AUH: variants seen among roughly 807,000 people sequenced by gnomAD.
The protein encoded by AUH is methylglutaconyl-CoA hydratase, mitochondrial.
A neutral mutation model predicts 42.3 loss-of-function variants in AUH; 29 were observed. The observed-to-expected ratio is 0.69, with a 90% confidence interval of 0.51 to 0.93. The LOEUF (loss-of-function observed/expected upper bound fraction) is 0.93, where lower values mean the gene tolerates loss of function less well. Among genes scored for constraint, AUH ranks in the 40% least tolerant of loss-of-function variants. The probability of loss-of-function intolerance (pLI) is 0.00; values close to 1 mark genes in which losing one functional copy is unlikely to be tolerated. For missense variants in AUH, 452 were observed against 438.1 expected (o/e 1.03, Z -0.28); for synonymous variants, 174 against 166.4 (o/e 1.05, Z -0.35).
intron 4 of AUH, among the ~76,000 whole-genome samples, chr9:91,312,519 G>C (rs543599720): frequency 1.8e-4 from 27 of 152,308 alleles, no homozygotes; most frequent in African/African-American, 6.3e-4. Context: ...CTTGAGGCCA[G>C]GAGTTCAAGA....
chr9:91,358,389 GGGA>G (rs1832599201), intron 1 of AUH, among the ~76,000 whole-genome samples: 1 of 152,144 alleles, frequency 6.6e-6, no homozygotes, highest in African/African-American at 2.4e-5. Context: ...GTGATTGCTG[GGGA>G]TGAAATCCCA....
At chr9:91,271,989 G>A (rs1825173673) in intron 6 of AUH, among the ~76,000 whole-genome samples, 1 of 152,100 alleles carries the variant, frequency 6.6e-6, no homozygotes, top group Non-Finnish European at 1.5e-5. Context: ...GCCTAAATAT[G>A]CTTCTAATTT....
At chr9:91,342,607 C>T (rs1216969739) in intron 3 of AUH, 1 of 152,106 alleles carries the variant, frequency 6.6e-6, no homozygotes, top group African/African-American at 2.4e-5. Flanking sequence ...ATATATATTT[C>T]CTATTCCTTA....
chr9:91,271,765 C>T (rs898542341), intron 6 of AUH, among the ~76,000 whole-genome samples: 40 of 152,196 alleles, frequency 2.6e-4, no homozygotes, highest in African/African-American at 9.7e-4. Flanking sequence ...ACTGCAGCCT[C>T]CGCCTCCCAG....
chr9:91,339,461 T>C lies in AUH; in HGVS notation c.419-14057A>G, dbSNP rs190673004. ...CAATATACTGCAGGTACTACAAATATGGAAAGGGAGAAGGTAACAATGAAC... is the reference window on the plus strand; with the variant it reads ...CAATATACTGCAGGTACTACAAATACGGAAAGGGAGAAGGTAACAATGAAC... On this transcript the variant is annotated intron_variant, in intron 3 of 9. Transcript: ENST00000375731. 1.7e-3 allele frequency among the ~76,000 whole-genome samples: 266 copies of C among 152,206 alleles called. 1 individual carries two copies. The highest frequency in any genetic ancestry group is 3.4e-3 in the Non-Finnish European group (228 of 68,002).
At chr9:91,228,471 TC>T (rs1269929637) in intron 6 of AUH, among the ~76,000 whole-genome samples, 46 of 148,924 alleles carry the variant, frequency 3.1e-4, no homozygotes, top group African/African-American at 1.1e-3. Flanking sequence ...TTGCTAGCGG[TC>T]TATCAATTTT....
intron 1 of AUH, 62 bp downstream of exon 1, chr9:91,361,566 T>C (rs993507912): frequency 2.7e-5 from 41 of 1,543,788 alleles, no homozygotes; most frequent in African/African-American, 1.2e-4. Context: ...CTGCACCTTA[T>C]GCCCGTCCTG....
At chr9:91,314,243 G>T (rs1269587005) in intron 4 of AUH, among the ~76,000 whole-genome samples, 1 of 152,102 alleles carries the variant, frequency 6.6e-6, no homozygotes, top group Non-Finnish European at 1.5e-5. Flanking sequence ...AGTGGCTCAT[G>T]CCTGTAATCC....
At chr9:91,300,806 A>G (rs1253105030) in intron 4 of AUH, among the ~76,000 whole-genome samples, 2 of 152,200 alleles carry the variant, frequency 1.3e-5, no homozygotes, top group Admixed American at 6.5e-5. Flanking sequence ...TCAAGACTCA[A>G]TATCTGTATA....
At chr9:91,214,870 T>C (rs1826731850) in intron 9 of AUH, among the ~76,000 whole-genome samples, 1 of 152,244 alleles carries the variant, frequency 6.6e-6, no homozygotes, top group East Asian at 1.9e-4. Context: ...CTTTCTTTTA[T>C]TGATTTCTAG....
At chr9:91,257,653 A>T (rs1829477782) in intron 6 of AUH, among the ~76,000 whole-genome samples, 1 of 152,162 alleles carries the variant, frequency 6.6e-6, no homozygotes, top group African/African-American at 2.4e-5. Context: ...TGGCTCTGTT[A>T]TGTCTGTTCT....
intron 6 of AUH, among the ~76,000 whole-genome samples, chr9:91,281,022 G>A (rs1466749048): frequency 6.6e-6 from 1 of 151,960 alleles, no homozygotes; most frequent in Admixed American, 6.6e-5. Flanking sequence ...GGCTTGTTTA[G>A]GTTTACTCAG....
At chr9:91,354,089 A>C (rs1245018529) in intron 3 of AUH, among the ~76,000 whole-genome samples, 1 of 150,948 alleles carries the variant, frequency 6.6e-6, no homozygotes. Flanking sequence ...AATCACTTGA[A>C]CCCAGGAGGC....
At chr9:91,261,974 T>C (rs909147178) in intron 6 of AUH, among the ~76,000 whole-genome samples, 3 of 152,164 alleles carry the variant, frequency 2.0e-5, no homozygotes, top group African/African-American at 7.2e-5. Flanking sequence ...CACCTTTCTC[T>C]TGAATAACCA....
chr9:91,361,720 G>A lies in AUH; in HGVS notation c.170C>T (p.Ala57Val), dbSNP rs863223912. Residue 57 changes from alanine to valine, a missense_variant, in exon 1 of 10, where the codon GCG becomes GTG. Physicochemically the swap from Ala to Val is moderately conservative, Grantham distance 64. Transcript: ENST00000375731. The stretch of plus-strand genomic sequence containing the variant: ...CCTTTTCGGGGCGGGACCCCCGGCC[G>A]CAGGTACCCAGCCCTGGGCCCAGAT... Reference protein sequence around the residue: ...PAIWAQGWVPAAGGPAPKRGY... With the variant: ...PAIWAQGWVPVAGGPAPKRGY... 2 of 1,550,682 alleles carry A rather than the reference G, an allele frequency of 1.3e-6. No individual in the cohort carries two copies. The highest frequency in any genetic ancestry group is 1.2e-5 in the South Asian group (1 of 83,864).
chr9:91,332,595 C>T (rs1830410211), intron 3 of AUH, among the ~76,000 whole-genome samples: 1 of 152,178 alleles, frequency 6.6e-6, no homozygotes, highest in African/African-American at 2.4e-5. Flanking sequence ...AGTTTTATTT[C>T]TCATAAATGG....
At chr9:91,360,908 T>C (rs1832796442) in intron 1 of AUH, among the ~76,000 whole-genome samples, 1 of 152,168 alleles carries the variant, frequency 6.6e-6, no homozygotes, top group Non-Finnish European at 1.5e-5. Flanking sequence ...TTTTAGCTTT[T>C]CCCTGCACTG....
chr9:91,272,846 C>T (rs1242121719), intron 6 of AUH, among the ~76,000 whole-genome samples: 1 of 152,090 alleles, frequency 6.6e-6, no homozygotes, highest in Non-Finnish European at 1.5e-5. Flanking sequence ...AAAAAAACTT[C>T]ACTGTAAAAT....
intron 7 of AUH, among the ~76,000 whole-genome samples, chr9:91,218,335 G>C (rs957125982): frequency 2.6e-5 from 4 of 152,140 alleles, no homozygotes; most frequent in Non-Finnish European, 4.4e-5. Flanking sequence ...ACTGTGATTT[G>C]TATATATCAT....
Sources: allele counts gnomAD v4.1 joint callset (sites outside exome capture counted in the v4.1 genomes callset), GRCh38; gene constraint gnomAD v4.1.1; transcripts MANE v1.5; gene names NCBI Gene and HGNC (gene_info 2026-07-23, HGNC 2026-07-21).